Variants in PIK3C2G observed in about 807,000 individuals in gnomAD.
The protein encoded by PIK3C2G is phosphatidylinositol-4-phosphate 3-kinase catalytic subunit type 2 gamma, also known as phosphatidylinositol 3-kinase C2 domain-containing subunit gamma.
A neutral mutation model predicts 181.1 loss-of-function variants in PIK3C2G; 168 were observed. The ratio of observed to expected loss-of-function variants is 0.93; its 90% CI spans 0.82 to 1.05. The LOEUF (loss-of-function observed/expected upper bound fraction) is 1.05. PIK3C2G is among the 50% of genes least tolerant of loss of function. The pLI is 0.00. For missense variants in PIK3C2G, 1,869 were observed against 1,732.8 expected, an observed-to-expected ratio of 1.08 and a Z score of -1.40; for synonymous variants, 573 against 592.2, an observed-to-expected ratio of 0.97 and a Z score of 0.47.
At chr12:18,296,020 A>G (rs1949924365) in intron 5 of PIK3C2G, among the ~76,000 whole-genome samples, 1 of 152,158 alleles carries the variant, frequency 6.6e-6, no homozygotes, top group Non-Finnish European at 1.5e-5. Flanking sequence ...TCTAAAACTT[A>G]TAGAAGTACA....
the PIK3C2G span, chr12:18,694,994 C>T: frequency 1.8e-5 from 29 of 1,610,526 alleles, no homozygotes; most frequent in Non-Finnish European, 2.5e-5. Flanking sequence ...AATGTGGTTT[C>T]AAAATATATC....
At chr12:18,443,324 G>A (rs1014620255) in intron 18 of PIK3C2G, among the ~76,000 whole-genome samples, 2 of 152,114 alleles carry the variant, frequency 1.3e-5, no homozygotes, top group Admixed American at 1.3e-4. Flanking sequence ...GTATGTATGT[G>A]TGTATGTTTA....
the PIK3C2G span, among the ~76,000 whole-genome samples, chr12:18,711,895 G>A: frequency 4.6e-5 from 7 of 152,006 alleles, no homozygotes; most frequent in Non-Finnish European, 1.0e-4. Context: ...TACTCTCAAT[G>A]TTTTTATATT....
intron 14 of PIK3C2G, among the ~76,000 whole-genome samples, chr12:18,390,300 C>T (rs897008170): frequency 6.6e-6 from 1 of 151,980 alleles, no homozygotes; most frequent in African/African-American, 2.4e-5. Flanking sequence ...TCCAACCTAA[C>T]ATAACTCAGC....
the PIK3C2G span, among the ~76,000 whole-genome samples, chr12:18,690,896 G>C: frequency 2.0e-5 from 3 of 152,076 alleles, no homozygotes; most frequent in Admixed American, 6.6e-5. Context: ...AGGCAAGTAG[G>C]GCAAGGCCTG....
chr12:18,537,952 T>A (rs985517271), intron 24 of PIK3C2G, among the ~76,000 whole-genome samples: 1 of 151,986 alleles, frequency 6.6e-6, no homozygotes, highest in African/African-American at 2.4e-5. Flanking sequence ...AAATATCTTA[T>A]CCTTTTCTCT....
At chr12:18,645,618 T>C (rs1197837574) in intron 32 of PIK3C2G, among the ~76,000 whole-genome samples, 1 of 152,164 alleles carries the variant, frequency 6.6e-6, no homozygotes, top group Non-Finnish European at 1.5e-5. Context: ...TTCCTTTTTG[T>C]GTATTTGATG....
Position 18,364,074 on chromosome 12 carries a change from A to C in PIK3C2G, c.1748+1188A>C, listed in dbSNP as rs1467563900. ...GTACAAATCATTTAGCAAAGCACAC[A>C]AGGCCTTTTGTAGTGTGGCCCCTAC... On this transcript the variant is annotated intron_variant, in intron 12 of 32. Coordinates refer to ENST00000538779, the MANE Select transcript of PIK3C2G (RefSeq NM_001288772.2). 4.6e-5 allele frequency among the ~76,000 whole-genome samples: 7 copies of C among 152,202 alleles called. No homozygotes were observed. In the East Asian group the frequency reaches 1.3e-3, roughly 29 times the overall value.
intron 11 of PIK3C2G, among the ~76,000 whole-genome samples, chr12:18,347,581 G>A (rs917891934): frequency 1.3e-5 from 2 of 152,056 alleles, no homozygotes; most frequent in Non-Finnish European, 2.9e-5. Context: ...AGGCCTAGGC[G>A]GGCAAATCAC....
At chr12:18,420,396 T>G (rs1428434264) in intron 16 of PIK3C2G, among the ~76,000 whole-genome samples, 11 of 152,086 alleles carry the variant, frequency 7.2e-5, no homozygotes, top group Non-Finnish European at 1.6e-4. Context: ...GCAAATGCCA[T>G]CCAAAAATGA....
At chr12:18,646,843 C>A (rs1251272216) in intron 32 of PIK3C2G, among the ~76,000 whole-genome samples, 1 of 151,872 alleles carries the variant, frequency 6.6e-6, no homozygotes, top group Non-Finnish European at 1.5e-5. Flanking sequence ...TTTACCACTG[C>A]AGGTTGCCGA....
chr12:18,456,005 G>T (rs1049374849), intron 18 of PIK3C2G, among the ~76,000 whole-genome samples: 1 of 152,094 alleles, frequency 6.6e-6, no homozygotes, highest in East Asian at 1.9e-4. Context: ...GTTCCCAGAA[G>T]TTATTCAGTC....
the PIK3C2G span, chr12:18,684,383 T>A: frequency 1.1e-3 from 1,210 of 1,089,212 alleles, 25 homozygotes; most frequent in South Asian, 0.017. Flanking sequence ...CCTTTAACAA[T>A]AATATCTTGT....
chr12:18,394,338 C>T (rs1161734829), intron 15 of PIK3C2G, among the ~76,000 whole-genome samples: 1 of 152,004 alleles, frequency 6.6e-6, no homozygotes, highest in Non-Finnish European at 1.5e-5. Flanking sequence ...TAGCAGAATG[C>T]TGACTCTCAA....
downstream of PIK3C2G, among the ~76,000 whole-genome samples, chr12:18,650,712 C>CTATATATA (rs1157799425): frequency 8.2e-4 from 12 of 14,614 alleles, no homozygotes; most frequent in South Asian, 3.5e-3. Context: ...GTGTATATAT[C>CTATATATA]TATATATATA....
At chr12:18,704,945 A>C in the PIK3C2G span, among the ~76,000 whole-genome samples, 4 of 152,110 alleles carry the variant, frequency 2.6e-5, no homozygotes, top group Non-Finnish European at 4.4e-5. Context: ...ACACAATCAA[A>C]ATGTGGGTTG....
intron 29 of PIK3C2G, among the ~76,000 whole-genome samples, chr12:18,593,435 G>C (rs1181829180): frequency 6.6e-6 from 1 of 151,842 alleles, no homozygotes; most frequent in African/African-American, 2.4e-5. Context: ...CATTAGCAGA[G>C]AAGGAGTCAG....
At chr12:18,381,076 A>G (rs533307765) in intron 13 of PIK3C2G, among the ~76,000 whole-genome samples, 1 of 152,282 alleles carries the variant, frequency 6.6e-6, no homozygotes, top group South Asian at 2.1e-4. Flanking sequence ...TAATTCACAT[A>G]AGGATCTGTG....
the PIK3C2G span, among the ~76,000 whole-genome samples, chr12:18,664,725 C>T: frequency 6.6e-6 from 1 of 151,366 alleles, no homozygotes; most frequent in African/African-American, 2.4e-5. Context: ...TATTGCGGCA[C>T]TATTCACAAT....
Sources: gnomAD v4.1 joint callset for allele counts (sites outside exome capture counted in the v4.1 genomes callset) on GRCh38, gnomAD v4.1.1 for gene constraint, MANE v1.5 for transcripts, NCBI Gene and HGNC (gene_info 2026-07-23, HGNC 2026-07-21) for gene names.